Variants in TLE4 observed in about 807,000 individuals in gnomAD.
The protein encoded by TLE4 is TLE family member 4, transcriptional corepressor.
TLE4 carries 8 observed loss-of-function variants against 92.8 expected under a neutral mutation model. The ratio of observed to expected loss-of-function variants is 0.09; its 90% CI spans 0.05 to 0.16. TLE4 has a LOEUF of 0.16. Among genes scored for constraint, TLE4 ranks in the 10% least tolerant of loss-of-function variants. The pLI is 1.00. For synonymous variants in TLE4, 371 were observed against 374.1 expected (o/e 0.99, Z 0.10); for missense variants, 675 against 997.6 (o/e 0.68, Z 4.36).
intron 1 of TLE4, 93 bp downstream of exon 1, chr9:79,572,928 G>A (rs1012424353): frequency 2.0e-4 from 273 of 1,368,048 alleles, no homozygotes; most frequent in Non-Finnish European, 2.6e-4. Flanking sequence ...TGGCCGGAGG[G>A]GCGTGGAGAG....
rs559685030 is a variant in TLE4 at position 79,614,734 on chromosome 9, G to C, written c.315+2016G>C. ...GGCCTGTGGGCCACATGTGGCCCAG[G>C]ATAGCTTTGAAAGTGGCCCAACACA... is the stretch of plus-strand genomic sequence containing the variant. On this transcript the variant is annotated intron_variant, in intron 5 of 19. Transcript: ENST00000376552. Among the ~76,000 whole-genome samples, 124 of 152,296 alleles carry C rather than the reference G, an allele frequency of 8.1e-4. 1 individual carries two copies. Among genetic ancestry groups the C allele is most frequent in the African/African-American group, 2.8e-3 (118 of 41,568 alleles).
chr9:79,643,007 A>C (rs913436674), intron 6 of TLE4, among the ~76,000 whole-genome samples: 4 of 152,184 alleles, frequency 2.6e-5, no homozygotes, highest in African/African-American at 9.7e-5. Context: ...TAGTTTGAAA[A>C]GTTTCTTCCT....
intron 8 of TLE4, among the ~76,000 whole-genome samples, chr9:79,686,940 C>G (rs2065985707): frequency 6.6e-6 from 1 of 152,162 alleles, no homozygotes; most frequent in Admixed American, 6.5e-5. Flanking sequence ...TAATAAGCCC[C>G]AGAACTGTAC....
At chr9:79,594,363 T>C (rs967782353) in intron 4 of TLE4, among the ~76,000 whole-genome samples, 2 of 152,250 alleles carry the variant, frequency 1.3e-5, no homozygotes, top group African/African-American at 4.8e-5. Flanking sequence ...TGGTATAGTT[T>C]ATATAGTTCA....
intron 8 of TLE4, chr9:79,693,607 A>G (rs2067547533): frequency 7.9e-6 from 4 of 505,982 alleles, no homozygotes; most frequent in Non-Finnish European, 1.2e-5. Context: ...GCATGCACAC[A>G]TGCCACACGT....
intron 4 of TLE4, among the ~76,000 whole-genome samples, chr9:79,593,095 G>A (rs1184301042): frequency 6.6e-6 from 1 of 152,116 alleles, no homozygotes; most frequent in Non-Finnish European, 1.5e-5. Context: ...TTGGTTGAAT[G>A]AGAACAGCAG....
At chr9:79,613,396 A>G (rs566222494) in intron 5 of TLE4, among the ~76,000 whole-genome samples, 1 of 152,220 alleles carries the variant, frequency 6.6e-6, no homozygotes, top group African/African-American at 2.4e-5. Flanking sequence ...ACAGGTTGGA[A>G]TAAAGCGATG....
At chr9:79,686,533 G>A (rs888324521) in intron 8 of TLE4, among the ~76,000 whole-genome samples, 1 of 152,182 alleles carries the variant, frequency 6.6e-6, no homozygotes. Flanking sequence ...AGTGACTCAT[G>A]TCCTTATAAG....
intron 4 of TLE4, among the ~76,000 whole-genome samples, chr9:79,579,738 G>C (rs1347913917): frequency 6.6e-6 from 1 of 152,124 alleles, no homozygotes; most frequent in Admixed American, 6.6e-5. Flanking sequence ...TTAAAGCCAT[G>C]TAAATTTTAT....
intron 8 of TLE4, among the ~76,000 whole-genome samples, chr9:79,667,896 C>A (rs986630112): frequency 6.6e-6 from 1 of 152,248 alleles, no homozygotes; most frequent in African/African-American, 2.4e-5. Flanking sequence ...TTTCTCTTTT[C>A]ATCTGCCTTT....
Position 79,706,734 on chromosome 9 carries a change from T to C in TLE4, c.784-13T>C. On this transcript the variant is annotated splice_polypyrimidine_tract_variant and intron_variant, in intron 10 of 19. Transcript: ENST00000376552. ...GCTGTGCTTGCATTACTGTCCACGATGTTCCTTTGTAGGATCCATCTTCCC... is the reference window on the plus strand; with the variant it reads ...GCTGTGCTTGCATTACTGTCCACGACGTTCCTTTGTAGGATCCATCTTCCC... 1.9e-6 allele frequency: 3 copies of C among 1,611,364 alleles called. No individual in the cohort carries two copies. The highest frequency in any genetic ancestry group is 2.5e-6 in the Non-Finnish European group (3 of 1,178,794).
At chr9:79,580,946 G>T (rs1291938951) in intron 4 of TLE4, among the ~76,000 whole-genome samples, 1 of 152,142 alleles carries the variant, frequency 6.6e-6, no homozygotes. Flanking sequence ...TTTGATGTCT[G>T]CATAAACTTC....
chr9:79,634,472 T>C (rs1043744663), intron 6 of TLE4, among the ~76,000 whole-genome samples: 1 of 152,232 alleles, frequency 6.6e-6, no homozygotes, highest in Non-Finnish European at 1.5e-5. Flanking sequence ...AAATTCATTA[T>C]TGATATTCTC....
At chr9:79,665,296 C>G (rs936440992) in intron 8 of TLE4, among the ~76,000 whole-genome samples, 8 of 152,194 alleles carry the variant, frequency 5.3e-5, no homozygotes, top group African/African-American at 1.9e-4. Flanking sequence ...GGTATTGATT[C>G]AGCAGCTGGA....
rs201336133 is a variant in TLE4 at position 79,639,012 on chromosome 9, C to T, written c.390+11564C>T. Among the ~76,000 whole-genome samples, 144 of 152,104 alleles carry T rather than the reference C, an allele frequency of 9.5e-4. 4 individuals carry two copies. In the South Asian group the frequency reaches 0.022, roughly 23 times the overall value. On this transcript the variant is annotated intron_variant, in intron 6 of 19. Transcript: ENST00000376552. ...GGGCAAGTGACCCTATCCAGGTCAGCGAGATATAAAAAGATGTGGTTTTCT... is the reference window on the plus strand; with the variant it reads ...GGGCAAGTGACCCTATCCAGGTCAGTGAGATATAAAAAGATGTGGTTTTCT...
intron 7 of TLE4, 151 bp from the exon 8 acceptor site, chr9:79,653,908 A>T: frequency 2.2e-6 from 2 of 904,974 alleles, no homozygotes; most frequent in Non-Finnish European, 3.5e-6. Context: ...ATTAATAATT[A>T]ATTTTACAGC....
At chr9:79,659,070 A>G (rs892256686) in intron 8 of TLE4, among the ~76,000 whole-genome samples, 4 of 152,214 alleles carry the variant, frequency 2.6e-5, no homozygotes, top group Non-Finnish European at 5.9e-5. Flanking sequence ...CTCATAGGTT[A>G]GATTTTGCTG....
chr9:79,677,024 A>G (rs73652230), intron 8 of TLE4, among the ~76,000 whole-genome samples: 207 of 152,274 alleles, frequency 1.4e-3, no homozygotes, highest in African/African-American at 4.9e-3. Context: ...GTATAATGGT[A>G]TAAAATCCAG....
At chr9:79,699,516 ATAT>A (rs2069188160) in intron 8 of TLE4, among the ~76,000 whole-genome samples, 1 of 152,222 alleles carries the variant, frequency 6.6e-6, no homozygotes, top group South Asian at 2.1e-4. Context: ...TACCCTTGAC[ATAT>A]TTTAGTGGTA....
Sources: allele counts gnomAD v4.1 joint callset (sites outside exome capture counted in the v4.1 genomes callset), GRCh38; gene constraint gnomAD v4.1.1; transcripts MANE v1.5; gene names NCBI Gene and HGNC (gene_info 2026-07-23, HGNC 2026-07-21).